The following STXBP6 variants were observed in gnomAD, a reference collection of about 807,000 sequenced individuals.
The protein encoded by STXBP6 is syntaxin binding protein 6, also known as syntaxin-binding protein 6.
A neutral mutation model predicts 26.9 loss-of-function variants in STXBP6; 21 were observed. The observed-to-expected ratio is 0.78, with a 90% confidence interval of 0.55 to 1.12. STXBP6 has a LOEUF of 1.12. STXBP6 is among the 50% of genes most tolerant of loss of function. STXBP6 has a pLI of 0.00. For synonymous variants in STXBP6, 97 were observed against 92.6 expected (o/e 1.05, Z -0.27); for missense variants, 232 against 257.9 (o/e 0.90, Z 0.69).
At chr14:24,990,659 C>CAAAAAAAAA (rs1211659589) in intron 1 of STXBP6, among the ~76,000 whole-genome samples, 23 of 57,286 alleles carry the variant, frequency 4.0e-4, no homozygotes, top group African/African-American at 5.2e-4. Flanking sequence ...AACTCCATCT[C>CAAAAAAAAA]AAAAAAAAAA....
intron 1 of STXBP6, among the ~76,000 whole-genome samples, chr14:24,989,800 G>C (rs1391951964): frequency 6.6e-6 from 1 of 152,224 alleles, no homozygotes; most frequent in Non-Finnish European, 1.5e-5. Flanking sequence ...CAGTGACCCA[G>C]GTATGACGTG....
intron 2 of STXBP6, among the ~76,000 whole-genome samples, chr14:24,882,992 T>C (rs1036970322): frequency 1.3e-5 from 2 of 152,204 alleles, no homozygotes; most frequent in Admixed American, 1.3e-4. Context: ...TAATGAAATA[T>C]GGATAATGAC....
chr14:25,004,462 G>A (rs1313165560), intron 1 of STXBP6, among the ~76,000 whole-genome samples: 1 of 152,248 alleles, frequency 6.6e-6, no homozygotes, highest in East Asian at 1.9e-4. Flanking sequence ...AAGCATGGGT[G>A]TGTACTGGAC....
rs948199832 is a variant in STXBP6, at chr14:24,918,452, C to A, written c.154+56213G>T. On this transcript the variant is annotated intron_variant, in intron 2 of 5. Coordinates refer to ENST00000323944, the MANE Select transcript of STXBP6 (RefSeq NM_001394410.1). ...TTATTTCTTAAAAACCACACCCCCA[C>A]CACACACACACACACACACACACAC... Among the ~76,000 whole-genome samples, 176 of 133,480 alleles carry A rather than the reference C, an allele frequency of 1.3e-3. 1 individual carries two copies. Among genetic ancestry groups the A allele is most frequent in the Admixed American group, 0.012 (159 of 12,996 alleles). The allele number at this position is 133,480 out of a possible 152,430, so 87.6% of individuals were successfully genotyped here.
At chr14:24,946,617 G>A (rs1047712251) in intron 2 of STXBP6, among the ~76,000 whole-genome samples, 14 of 152,276 alleles carry the variant, frequency 9.2e-5, no homozygotes, top group Admixed American at 7.2e-4. Flanking sequence ...AATCAAGTAC[G>A]GAGGGTCTCA....
Position 25,050,057 on chromosome 14 carries a change from A to C in STXBP6, c.-212T>G. On this transcript the variant is annotated 5_prime_UTR_variant, in exon 1 of 6. Coordinates refer to ENST00000323944, the MANE Select transcript of STXBP6 (RefSeq NM_001394410.1). ...CGCCGGCTCCTGCTGCCGCGCGCGA[A>C]AAGGGAGGGGTTGGGGGGAAACTCC... 5.5e-6 allele frequency: 1 copy of C among 182,454 alleles called. No homozygotes were observed. The highest frequency in any genetic ancestry group is 1.0e-5 in the Non-Finnish European group (1 of 96,116). 11.3% of individuals were successfully genotyped at this position (182,454 alleles called of 1,614,324 possible).
chr14:24,831,667 T>C (rs1349518739), intron 4 of STXBP6, among the ~76,000 whole-genome samples: 1 of 152,148 alleles, frequency 6.6e-6, no homozygotes, highest in African/African-American at 2.4e-5. Context: ...TTGTACTCTT[T>C]GATTTAAAAA....
In STXBP6 at chr14:24,812,442, C is replaced by T; in HGVS notation, c.*267G>A. 2.3e-6 allele frequency: 1 copy of T among 442,444 alleles called. No homozygotes were observed. Among genetic ancestry groups the T allele is most frequent in the Non-Finnish European group, 4.1e-6 (1 of 246,732 alleles). 27.4% of individuals were successfully genotyped at this position (442,444 alleles called of 1,614,324 possible). On this transcript the variant is annotated 3_prime_UTR_variant, in exon 6 of 6. Coordinates refer to ENST00000323944, the MANE Select transcript of STXBP6 (RefSeq NM_001394410.1). The stretch of plus-strand genomic sequence containing the variant: ...ATAAAGAAAACATATTCAAAACATA[C>T]ATATACACACATACACACAGTGGGA...
intron 4 of STXBP6, among the ~76,000 whole-genome samples, chr14:24,850,167 A>G (rs2069099265): frequency 6.6e-6 from 1 of 152,040 alleles, no homozygotes. Flanking sequence ...TCACCTAGGG[A>G]TGACTTTGTA....
At chr14:24,855,114 G>A (rs1347321232) in intron 4 of STXBP6, among the ~76,000 whole-genome samples, 4 of 152,010 alleles carry the variant, frequency 2.6e-5, no homozygotes, top group Admixed American at 6.6e-5. Context: ...ACAGAGTAAT[G>A]GATTCTGCTG....
chr14:24,939,975 T>A (rs1025821413), intron 2 of STXBP6, among the ~76,000 whole-genome samples: 1 of 152,018 alleles, frequency 6.6e-6, no homozygotes, highest in Non-Finnish European at 1.5e-5. Flanking sequence ...AAAAGAAGAG[T>A]CCTGGTGCCT....
chr14:24,950,548 A>C (rs771815141), intron 2 of STXBP6, among the ~76,000 whole-genome samples: 1 of 152,182 alleles, frequency 6.6e-6, no homozygotes, highest in Non-Finnish European at 1.5e-5. Context: ...AAATCTCACA[A>C]ACAATAGCGA....
intron 2 of STXBP6, among the ~76,000 whole-genome samples, chr14:24,941,811 C>T (rs554731212): frequency 6.6e-6 from 1 of 152,330 alleles, no homozygotes; most frequent in African/African-American, 2.4e-5. Flanking sequence ...ATGTTCTTAA[C>T]TCAGGGACCA....
rs1351260992 is a variant in STXBP6 at position 24,812,665 on chromosome 14, C to T, written c.*44G>A. The T allele has an allele frequency of 1.9e-6, 3 of 1,603,356 alleles. No individual in the cohort carries two copies. Among genetic ancestry groups the T allele is most frequent in the Non-Finnish European group, 2.6e-6 (3 of 1,170,594 alleles). On this transcript the variant is annotated 3_prime_UTR_variant, in exon 6 of 6. Coordinates refer to ENST00000323944, the MANE Select transcript of STXBP6 (RefSeq NM_001394410.1). ...ATTCTTGTAAAAACTGCTGAACAAACTCTTCAGTTTCTCTTAAGAAGAGTC... is the reference window on the plus strand; with the variant it reads ...ATTCTTGTAAAAACTGCTGAACAAATTCTTCAGTTTCTCTTAAGAAGAGTC...
intron 3 of STXBP6, 123 bp from the exon 4 acceptor site, chr14:24,856,224 C>A: frequency 1.0e-6 from 1 of 987,980 alleles, no homozygotes; most frequent in South Asian, 2.1e-5. Flanking sequence ...TAAGGCTCAT[C>A]TTTATCCAAG....
chr14:25,022,719 C>T (rs775327584), intron 1 of STXBP6, among the ~76,000 whole-genome samples: 8 of 152,200 alleles, frequency 5.3e-5, no homozygotes, highest in Non-Finnish European at 8.8e-5. Flanking sequence ...TTCCAATCCT[C>T]CTTTCTCTAC....
chr14:25,032,877 T>C (rs1012871771), intron 1 of STXBP6, among the ~76,000 whole-genome samples: 3 of 152,198 alleles, frequency 2.0e-5, no homozygotes, highest in African/African-American at 4.8e-5. Context: ...AACTTGTAAG[T>C]GCTTCCTGAA....
intron 2 of STXBP6, among the ~76,000 whole-genome samples, chr14:24,959,694 A>G (rs1341465692): frequency 1.3e-5 from 2 of 152,220 alleles, no homozygotes; most frequent in African/African-American, 4.8e-5. Flanking sequence ...CATATAAAGT[A>G]TAACAACTGA....
intron 2 of STXBP6, among the ~76,000 whole-genome samples, chr14:24,934,557 C>T (rs1039748934): frequency 6.6e-6 from 1 of 152,110 alleles, no homozygotes; most frequent in African/African-American, 2.4e-5. Context: ...TCCAGCCTAT[C>T]AAGAGCTGAA....
Sources: gnomAD v4.1 joint callset for allele counts (sites outside exome capture counted in the v4.1 genomes callset) on GRCh38, gnomAD v4.1.1 for gene constraint, MANE v1.5 for transcripts, NCBI Gene and HGNC (gene_info 2026-07-23, HGNC 2026-07-21) for gene names.